The following SLC44A5 variants were observed in gnomAD, a reference collection of about 807,000 sequenced individuals.
SLC44A5 encodes the protein choline transporter-like protein 5.
SLC44A5 carries 57 observed loss-of-function variants against 101.8 expected under a neutral mutation model. The ratio of observed to expected loss-of-function variants is 0.56; its 90% CI spans 0.45 to 0.70. The LOEUF is 0.70. Ranked by LOEUF, SLC44A5 falls within the 30% of genes least tolerant of loss-of-function variation. SLC44A5 has a pLI of 0.00. For synonymous variants in SLC44A5, 281 were observed against 290.9 expected, an observed-to-expected ratio of 0.97 and a Z score of 0.35; for missense variants, 737 against 853.1, an observed-to-expected ratio of 0.86 and a Z score of 1.70.
intron 3 of SLC44A5, among the ~76,000 whole-genome samples, chr1:75,356,485 A>C (rs1659087074): frequency 6.6e-6 from 1 of 152,002 alleles, no homozygotes. Flanking sequence ...ATTTTTTTGT[A>C]CAGCTATTTA....
chr1:75,708,287 G>A, the SLC44A5 span, among the ~76,000 whole-genome samples: 2 of 151,180 alleles, frequency 1.3e-5, no homozygotes, highest in Non-Finnish European at 3.0e-5. Context: ...TGTGGCATGC[G>A]CCTGTTATCC....
chr1:75,257,054 G>T (rs1398036119), intron 6 of SLC44A5, among the ~76,000 whole-genome samples: 2 of 152,150 alleles, frequency 1.3e-5, no homozygotes, highest in African/African-American at 2.4e-5. Context: ...GATTGTCCCA[G>T]TGAAAGGAAA....
chr1:75,575,925 G>A (rs1001463772), intron 1 of SLC44A5, among the ~76,000 whole-genome samples: 1 of 152,138 alleles, frequency 6.6e-6, no homozygotes, highest in African/African-American at 2.4e-5. Flanking sequence ...ACCAGGAATG[G>A]CAAGAACTTT....
the SLC44A5 span, among the ~76,000 whole-genome samples, chr1:75,671,602 A>G: frequency 6.6e-6 from 1 of 152,342 alleles, no homozygotes; most frequent in African/African-American, 2.4e-5. Context: ...AGCAACTTTG[A>G]CATTGTTTTA....
intron 2 of SLC44A5, among the ~76,000 whole-genome samples, chr1:75,517,383 T>C (rs1180470843): frequency 2.0e-5 from 3 of 151,412 alleles, no homozygotes; most frequent in African/African-American, 7.3e-5. Context: ...GGGACAGCTA[T>C]ACCACTGAAT....
At chr1:75,309,500 T>G (rs1655143466) in intron 4 of SLC44A5, among the ~76,000 whole-genome samples, 1 of 152,200 alleles carries the variant, frequency 6.6e-6, no homozygotes, top group Non-Finnish European at 1.5e-5. Flanking sequence ...TAAGCATATT[T>G]TACTTATTGG....
At chr1:75,473,562 A>C (rs1413591757) in intron 2 of SLC44A5, among the ~76,000 whole-genome samples, 1 of 152,154 alleles carries the variant, frequency 6.6e-6, no homozygotes, top group Non-Finnish European at 1.5e-5. Flanking sequence ...AAAAACACTT[A>C]TCTGCCCCAC....
chr1:75,641,453 A>G, the SLC44A5 span: 3 of 1,366,250 alleles, frequency 2.2e-6, no homozygotes, highest in East Asian at 6.9e-5. Context: ...AATCTTTCTA[A>G]AGAGTCTTTG....
At chr1:75,716,723 C>A in the SLC44A5 span, among the ~76,000 whole-genome samples, 1 of 152,098 alleles carries the variant, frequency 6.6e-6, no homozygotes, top group Non-Finnish European at 1.5e-5. Flanking sequence ...TGCCCATCAA[C>A]TATAGACTGG....
chr1:75,507,646 A>G (rs1287029124), intron 2 of SLC44A5, among the ~76,000 whole-genome samples: 2 of 152,034 alleles, frequency 1.3e-5, no homozygotes, highest in Non-Finnish European at 2.9e-5. Flanking sequence ...CTCTGTACCT[A>G]TGGTAGAATT....
Position 75,457,856 on chromosome 1 carries a change from CA to C in SLC44A5, c.14-61236del, listed in dbSNP as rs60026692. 6.9e-3 allele frequency among the ~76,000 whole-genome samples: 862 copies of C among 124,146 alleles called. 6 individuals carry two copies. Among genetic ancestry groups the C allele is most frequent in the African/African-American group, 0.019 (641 of 33,546 alleles). The allele number at this position is 124,146 out of a possible 152,430, so 81.4% of individuals were successfully genotyped here. On this transcript the variant is annotated intron_variant, in intron 2 of 23. Coordinates refer to ENST00000370859, the MANE Select transcript of SLC44A5 (RefSeq NM_001130058.2). ...TGGGCAACAGAGTGAGACTCCATCT[CA>C]AAAAAAAAAAAAAGTTCACTGAGGT...
At position 75,564,689 on chromosome 1, in the gene SLC44A5, G is replaced by A. The variant is rs148151699; in HGVS notation, c.-69-23173C>T. Reference sequence around the variant, plus strand: ...GGCTGGAGTGCAGTGGCACCATATCGGCTCACTGCAAGCTCAGCCTCCTGG... The same window carrying A: ...GGCTGGAGTGCAGTGGCACCATATCAGCTCACTGCAAGCTCAGCCTCCTGG... On this transcript the variant is annotated intron_variant, in intron 1 of 23. Transcript: ENST00000370859. Among the ~76,000 whole-genome samples, 865 of 151,268 alleles carry A rather than the reference G, an allele frequency of 5.7e-3. 16 individuals carry two copies. The highest frequency in any genetic ancestry group is 0.035 in the Admixed American group (530 of 15,164).
intron 2 of SLC44A5, among the ~76,000 whole-genome samples, chr1:75,447,564 C>T (rs1050797134): frequency 1.3e-5 from 2 of 152,046 alleles, no homozygotes; most frequent in African/African-American, 2.4e-5. Context: ...AGGGTTTATT[C>T]TGAATACTGA....
intron 4 of SLC44A5, among the ~76,000 whole-genome samples, chr1:75,326,611 G>A (rs188913678): frequency 1.3e-5 from 2 of 152,196 alleles, no homozygotes; most frequent in South Asian, 4.2e-4. Context: ...AAAACCAAGA[G>A]TGTTTAACAA....
At chr1:75,645,154 G>T in the SLC44A5 span, among the ~76,000 whole-genome samples, 1 of 152,052 alleles carries the variant, frequency 6.6e-6, no homozygotes, top group Non-Finnish European at 1.5e-5. Flanking sequence ...TAATAGGATG[G>T]CTGGGTCAAA....
At chr1:75,541,284 G>A in intron 2 of SLC44A5, 151 bp downstream of exon 2, 1 of 620,968 alleles carries the variant, frequency 1.6e-6, no homozygotes, top group Non-Finnish European at 2.8e-6. Flanking sequence ...GAACCACAAG[G>A]TCTAACATGC....
the SLC44A5 span, among the ~76,000 whole-genome samples, chr1:75,634,325 A>C: frequency 6.6e-6 from 1 of 152,134 alleles, no homozygotes; most frequent in South Asian, 2.1e-4. Context: ...CCTCTGGTAG[A>C]ATTCGGCTGT....
chr1:75,390,469 C>T (rs1206908360), intron 3 of SLC44A5, among the ~76,000 whole-genome samples: 1 of 150,086 alleles, frequency 6.7e-6, no homozygotes, highest in Non-Finnish European at 1.5e-5. Flanking sequence ...GCTAATTCAT[C>T]CTATCAATTA....
At chr1:75,483,717 A>G (rs1667999420) in intron 2 of SLC44A5, among the ~76,000 whole-genome samples, 1 of 152,186 alleles carries the variant, frequency 6.6e-6, no homozygotes, top group Non-Finnish European at 1.5e-5. Flanking sequence ...TCTCTAAGAA[A>G]TTTTCTGTGT....
Sources: allele counts gnomAD v4.1 joint callset (sites outside exome capture counted in the v4.1 genomes callset), GRCh38; gene constraint gnomAD v4.1.1; transcripts MANE v1.5; gene names NCBI Gene and HGNC (gene_info 2026-07-23, HGNC 2026-07-21).